Variants in TBC1D32 observed in about 807,000 individuals in gnomAD.
The protein encoded by TBC1D32 is TBC1 domain family member 32, also known as protein broad-minded.
TBC1D32 carries 151 observed loss-of-function variants against 170.3 expected under a neutral mutation model. The observed-to-expected ratio is 0.89, with a 90% confidence interval of 0.78 to 1.01. TBC1D32 has a LOEUF of 1.01. Among genes scored for constraint, TBC1D32 ranks in the 50% least tolerant of loss-of-function variants. The pLI, the probability that TBC1D32 is intolerant of heterozygous loss-of-function variation, is 0.00. For missense variants in TBC1D32, 1,464 were observed against 1,457.1 expected (o/e 1.00, Z -0.08); for synonymous variants, 498 against 488.0 (o/e 1.02, Z -0.27).
At chr6:121,179,796 T>C (rs1480786744) in intron 22 of TBC1D32, among the ~76,000 whole-genome samples, 3 of 152,158 alleles carry the variant, frequency 2.0e-5, no homozygotes, top group East Asian at 3.9e-4. Flanking sequence ...GTGCTTACCA[T>C]GTTCTAAATT....
intron 2 of TBC1D32, among the ~76,000 whole-genome samples, chr6:121,318,801 A>G (rs1473855422): frequency 1.3e-5 from 2 of 151,170 alleles, no homozygotes; most frequent in African/African-American, 4.8e-5. Context: ...ATACATATAT[A>G]CACGTATTTA....
intron 5 of TBC1D32, among the ~76,000 whole-genome samples, chr6:121,305,105 T>C (rs1342483691): frequency 6.6e-6 from 1 of 151,990 alleles, no homozygotes; most frequent in African/African-American, 2.4e-5. Context: ...GGGGGTAAGG[T>C]GAGGTTTCAT....
At chr6:121,240,246 T>A (rs923473142) in intron 19 of TBC1D32, among the ~76,000 whole-genome samples, 8 of 151,974 alleles carry the variant, frequency 5.3e-5, no homozygotes, top group African/African-American at 1.9e-4. Flanking sequence ...AAGGGTGAGA[T>A]CTGAGATTAA....
chr6:121,178,508 T>C (rs1397545477), intron 22 of TBC1D32, among the ~76,000 whole-genome samples: 1 of 152,108 alleles, frequency 6.6e-6, no homozygotes, highest in Admixed American at 6.5e-5. Context: ...TTAGATAAGA[T>C]AGTAGCTTAA....
intron 17 of TBC1D32, among the ~76,000 whole-genome samples, chr6:121,252,000 A>C (rs1798359394): frequency 6.6e-6 from 1 of 152,232 alleles, no homozygotes; most frequent in Non-Finnish European, 1.5e-5. Flanking sequence ...CATTAGAGAA[A>C]TGCAAATCAA....
chr6:121,161,734 G>A (rs1023177924), intron 22 of TBC1D32, among the ~76,000 whole-genome samples: 1 of 152,116 alleles, frequency 6.6e-6, no homozygotes, highest in African/African-American at 2.4e-5. Flanking sequence ...TGCTATTTCT[G>A]TCTTCAGGTC....
intron 17 of TBC1D32, among the ~76,000 whole-genome samples, chr6:121,250,349 C>T (rs535138473): frequency 6.6e-6 from 1 of 152,226 alleles, no homozygotes; most frequent in Non-Finnish European, 1.5e-5. Context: ...AAAATACTGA[C>T]AAACCAAATC....
intron 22 of TBC1D32, among the ~76,000 whole-genome samples, chr6:121,191,084 T>G (rs931770646): frequency 6.6e-6 from 1 of 152,144 alleles, no homozygotes; most frequent in African/African-American, 2.4e-5. Context: ...TATATGTGCT[T>G]GGTTAAGATA....
chr6:121,266,937 G>A (rs1056137317), intron 15 of TBC1D32, among the ~76,000 whole-genome samples: 23 of 151,960 alleles, frequency 1.5e-4, no homozygotes, highest in African/African-American at 4.8e-4. Context: ...GGGAGGGAGA[G>A]TGTCAGGACA....
At chr6:121,254,251 G>A (rs888057461) in intron 17 of TBC1D32, among the ~76,000 whole-genome samples, 1 of 152,098 alleles carries the variant, frequency 6.6e-6, no homozygotes, top group Admixed American at 6.6e-5. Context: ...AAATTTGGAA[G>A]GAGGGTAAGG....
intron 30 of TBC1D32, among the ~76,000 whole-genome samples, chr6:121,093,043 T>C (rs755109954): frequency 3.3e-5 from 5 of 152,194 alleles, no homozygotes; most frequent in Admixed American, 1.3e-4. Context: ...AGTTCCAAAA[T>C]CTTTCCAAAG....
At chr6:121,153,258 C>T (rs1784436294) in intron 24 of TBC1D32, among the ~76,000 whole-genome samples, 1 of 152,154 alleles carries the variant, frequency 6.6e-6, no homozygotes, top group Non-Finnish European at 1.5e-5. Context: ...CCCTCTTCTG[C>T]ACATCTGCTG....
At chr6:121,133,147 T>G (rs1368097292) in intron 24 of TBC1D32, among the ~76,000 whole-genome samples, 2 of 151,964 alleles carry the variant, frequency 1.3e-5, no homozygotes, top group Admixed American at 1.3e-4. Context: ...AGCTCTATTT[T>G]AGGTTAATTA....
chr6:121,323,075 A>T (rs1367174826), intron 1 of TBC1D32, among the ~76,000 whole-genome samples: 4 of 152,172 alleles, frequency 2.6e-5, no homozygotes, highest in Admixed American at 2.6e-4. Context: ...CACTAACAGC[A>T]TTATTTTTCA....
chr6:121,156,698 T>C (rs886114850), intron 24 of TBC1D32, among the ~76,000 whole-genome samples: 6 of 150,206 alleles, frequency 4.0e-5, no homozygotes, highest in African/African-American at 1.5e-4. Flanking sequence ...ATCCCAAAGA[T>C]GTTAGTAAGT....
At chr6:121,281,415 A>C (rs1802960331) in intron 14 of TBC1D32, 129 bp downstream of exon 14, 1 of 592,102 alleles carries the variant, frequency 1.7e-6, no homozygotes. Context: ...AATATATATC[A>C]ACACAAAATA....
chr6:121,145,889 T>C (rs1214311960), intron 24 of TBC1D32, among the ~76,000 whole-genome samples: 2 of 152,130 alleles, frequency 1.3e-5, no homozygotes, highest in Non-Finnish European at 2.9e-5. Flanking sequence ...TGTATAAAGT[T>C]GATGAAAAGT....
At chr6:121,092,373 G>T (rs1776917700) in intron 30 of TBC1D32, among the ~76,000 whole-genome samples, 2 of 111,772 alleles carry the variant, frequency 1.8e-5, no homozygotes, top group Non-Finnish European at 3.4e-5. Flanking sequence ...ATCTCAATTT[G>T]TCATAGGTAT....
intron 26 of TBC1D32, among the ~76,000 whole-genome samples, chr6:121,120,728 T>C (rs1416202243): frequency 1.3e-5 from 2 of 152,022 alleles, no homozygotes; most frequent in African/African-American, 2.4e-5. Flanking sequence ...AGAACAGTTA[T>C]AGGGTTGAAT....
Sources: gnomAD v4.1 joint callset for allele counts (sites outside exome capture counted in the v4.1 genomes callset) on GRCh38, gnomAD v4.1.1 for gene constraint, MANE v1.5 for transcripts, NCBI Gene and HGNC (gene_info 2026-07-23, HGNC 2026-07-21) for gene names.